Variants in EIF2B3 observed in about 807,000 individuals in gnomAD.
EIF2B3 encodes eukaryotic translation initiation factor 2B subunit gamma.
EIF2B3 carries 20 observed loss-of-function variants against 54.1 expected under a neutral mutation model. The observed-to-expected ratio is 0.37, with a 90% CI of 0.26 to 0.54. The LOEUF (loss-of-function observed/expected upper bound fraction) is 0.54. Among genes scored for constraint, EIF2B3 ranks in the 20% least tolerant of loss-of-function variants. The pLI, the probability that EIF2B3 is intolerant of heterozygous loss-of-function variation, is 0.86. For synonymous variants in EIF2B3, 153 were observed against 188.1 expected (o/e 0.81, Z 1.52); for missense variants, 448 against 547.8 (o/e 0.82, Z 1.82).
At chr1:44,907,890 CAAA>C (rs71587071) in intron 5 of EIF2B3, among the ~76,000 whole-genome samples, 3,555 of 46,718 alleles carry the variant, frequency 0.076, 21 homozygotes, top group Non-Finnish European at 0.11. Flanking sequence ...AACTCCATCT[CAAA>C]AAAAAAAAAA....
At chr1:44,893,090 C>CT (rs772255569) in intron 6 of EIF2B3, among the ~76,000 whole-genome samples, 15 of 152,142 alleles carry the variant, frequency 9.9e-5, no homozygotes, top group Non-Finnish European at 2.1e-4. Flanking sequence ...GACAGGGTCT[C>CT]TTTCTGTCTA....
chr1:44,852,618 A>G (rs1205311606), intron 11 of EIF2B3, among the ~76,000 whole-genome samples: 4 of 151,964 alleles, frequency 2.6e-5, no homozygotes, highest in Admixed American at 6.5e-5. Context: ...CATCTCTACT[A>G]AAAATACAAA....
intron 6 of EIF2B3, among the ~76,000 whole-genome samples, chr1:44,888,368 G>A (rs1041418399): frequency 6.6e-6 from 1 of 152,204 alleles, no homozygotes; most frequent in Non-Finnish European, 1.5e-5. Context: ...GAGCGATGGT[G>A]TGGCAAGCAG....
chr1:44,922,052 G>A (rs1425051438), intron 5 of EIF2B3, among the ~76,000 whole-genome samples: 4 of 150,752 alleles, frequency 2.7e-5, no homozygotes, highest in Non-Finnish European at 3.0e-5. Context: ...GATCACAGGC[G>A]CCCACAACCA....
intron 5 of EIF2B3, among the ~76,000 whole-genome samples, chr1:44,918,552 G>A (rs938248197): frequency 1.7e-4 from 26 of 151,854 alleles, no homozygotes; most frequent in African/African-American, 6.0e-4. Context: ...ACCACACCCG[G>A]CTAATTTTTT....
chr1:44,960,292 TA>T (rs966357056), intron 3 of EIF2B3, among the ~76,000 whole-genome samples: 38 of 151,846 alleles, frequency 2.5e-4, no homozygotes, highest in South Asian at 1.9e-3. Flanking sequence ...CGAGAAAAAA[TA>T]AAAATAATAA....
chr1:44,960,556 G>A (rs1045721654), intron 3 of EIF2B3, among the ~76,000 whole-genome samples: 18 of 151,836 alleles, frequency 1.2e-4, no homozygotes, highest in Admixed American at 3.3e-4. Context: ...GGAGAATGGC[G>A]TGAACCCGGG....
At chr1:44,856,732 A>G (rs1006300503) in intron 11 of EIF2B3, among the ~76,000 whole-genome samples, 1 of 152,148 alleles carries the variant, frequency 6.6e-6, no homozygotes, top group Admixed American at 6.6e-5. Context: ...TGGTGGGGTT[A>G]ATTCCTTCAG....
intron 6 of EIF2B3, among the ~76,000 whole-genome samples, chr1:44,892,305 C>T (rs1275763149): frequency 6.6e-6 from 1 of 152,042 alleles, no homozygotes; most frequent in Non-Finnish European, 1.5e-5. Context: ...CTTGGCTGGG[C>T]CTGGTAGCTC....
chr1:44,933,889 G>A (rs895289898), intron 4 of EIF2B3, among the ~76,000 whole-genome samples: 8 of 151,726 alleles, frequency 5.3e-5, no homozygotes, highest in Non-Finnish European at 8.8e-5. Flanking sequence ...TTGGGAGGCC[G>A]AGGCGGGAAG....
intron 10 of EIF2B3, among the ~76,000 whole-genome samples, chr1:44,862,652 G>A (rs1020653984): frequency 7.2e-5 from 11 of 152,174 alleles, no homozygotes; most frequent in African/African-American, 2.7e-4. Flanking sequence ...TTGAGATGGA[G>A]TCTCACACTG....
chr1:44,880,252 C>T (rs551551509), intron 7 of EIF2B3, among the ~76,000 whole-genome samples: 1 of 152,280 alleles, frequency 6.6e-6, no homozygotes, highest in East Asian at 1.9e-4. Flanking sequence ...ACACTTCTTC[C>T]TTTGAAACTC....
chr1:44,967,611 A>G (rs1392700978), intron 3 of EIF2B3, among the ~76,000 whole-genome samples: 2 of 151,670 alleles, frequency 1.3e-5, no homozygotes, highest in African/African-American at 4.8e-5. Flanking sequence ...GTGGTGGCAC[A>G]TGCCTGTAGT....
At chr1:44,967,809 G>C (rs1194935466) in intron 3 of EIF2B3, among the ~76,000 whole-genome samples, 1 of 151,266 alleles carries the variant, frequency 6.6e-6, no homozygotes. Context: ...GGAGGCCGAG[G>C]CGAGCAAATC....
At chr1:44,854,748 C>T (rs1029388119) in intron 11 of EIF2B3, among the ~76,000 whole-genome samples, 7 of 151,656 alleles carry the variant, frequency 4.6e-5, no homozygotes, top group African/African-American at 7.3e-5. Context: ...CTACCACGCC[C>T]GGCTAATTTT....
chr1:44,907,493 G>T (rs919709424), intron 5 of EIF2B3, among the ~76,000 whole-genome samples: 2 of 152,202 alleles, frequency 1.3e-5, no homozygotes, highest in Admixed American at 6.5e-5. Flanking sequence ...GGAAGTCAGA[G>T]GTGGCAGTGA....
chr1:44,897,823 G>A (rs772910368), intron 5 of EIF2B3, among the ~76,000 whole-genome samples: 15 of 148,104 alleles, frequency 1.0e-4, no homozygotes, highest in Non-Finnish European at 1.0e-4. Context: ...TGCAAGCTCC[G>A]TCTCCCAGGC....
At chr1:44,966,438 C>CAAAAAAAAAAAA (rs60200568) in intron 3 of EIF2B3, among the ~76,000 whole-genome samples, 1 of 85,966 alleles carries the variant, frequency 1.2e-5, no homozygotes, top group Non-Finnish European at 2.4e-5. Context: ...GACTCTGTCT[C>CAAAAAAAAAAAA]AAAAAAAAAA....
At chr1:44,966,397 C>T (rs1216716203) in intron 3 of EIF2B3, among the ~76,000 whole-genome samples, 1 of 148,920 alleles carries the variant, frequency 6.7e-6, no homozygotes, top group Middle Eastern at 3.4e-3. Flanking sequence ...CGAGATTATG[C>T]CACTGCACTC....
Sources: allele counts gnomAD v4.1 joint callset (sites outside exome capture counted in the v4.1 genomes callset), GRCh38; gene constraint gnomAD v4.1.1; transcripts MANE v1.5; gene names NCBI Gene and HGNC (gene_info 2026-07-23, HGNC 2026-07-21).